TMEM181: variants seen among roughly 807,000 people sequenced by gnomAD.
TMEM181 encodes the protein G protein-coupled receptor 178.
A neutral mutation model predicts 71.9 loss-of-function variants in TMEM181; 39 were observed. That is an observed-to-expected ratio of 0.54 (90% confidence interval 0.42 to 0.71). The LOEUF is 0.71. TMEM181 is among the 30% of genes least tolerant of loss of function. The probability of loss-of-function intolerance (pLI) is 0.00; values close to 1 mark genes in which losing one functional copy is unlikely to be tolerated. For synonymous variants in TMEM181, 245 were observed against 228.8 expected (o/e 1.07, Z -0.64); for missense variants, 595 against 583.0 (o/e 1.02, Z -0.21).
intron 6 of TMEM181, among the ~76,000 whole-genome samples, chr6:158,604,840 T>C (rs1158771629): frequency 1.3e-5 from 2 of 152,222 alleles, no homozygotes; most frequent in Non-Finnish European, 2.9e-5. Flanking sequence ...GATTTATCCA[T>C]GTAACAACAT....
intron 6 of TMEM181, among the ~76,000 whole-genome samples, chr6:158,599,196 T>C (rs535850601): frequency 8.5e-5 from 13 of 152,340 alleles, no homozygotes; most frequent in African/African-American, 3.1e-4. Flanking sequence ...AAGTCACTTA[T>C]TTCGTGCTGC....
At chr6:158,569,188 GA>G (rs1782670613) in intron 1 of TMEM181, among the ~76,000 whole-genome samples, 1 of 152,216 alleles carries the variant, frequency 6.6e-6, no homozygotes, top group Non-Finnish European at 1.5e-5. Context: ...TCGCAGAGGG[GA>G]AGGCATTGAT....
intron 2 of TMEM181, 81 bp downstream of exon 2, chr6:158,573,604 C>A: frequency 8.3e-7 from 1 of 1,197,612 alleles, no homozygotes; most frequent in Non-Finnish European, 1.2e-6. Flanking sequence ...CCCAGCTGTG[C>A]CCCTATCTTC....
chr6:158,616,987 G>T (rs1299323718), intron 10 of TMEM181, among the ~76,000 whole-genome samples: 5 of 152,172 alleles, frequency 3.3e-5, no homozygotes, highest in African/African-American at 1.2e-4. Flanking sequence ...TCAGGATGAT[G>T]CTGGCCTCAT....
At chr6:158,587,632 CT>C (rs566949570) in intron 5 of TMEM181, among the ~76,000 whole-genome samples, 244 of 141,594 alleles carry the variant, frequency 1.7e-3, no homozygotes, top group South Asian at 2.3e-3. Flanking sequence ...GCCTGGCTTC[CT>C]TTTTTTTTTT....
chr6:158,610,621 C>T (rs1017503828), intron 10 of TMEM181: 26 of 350,536 alleles, frequency 7.4e-5, no homozygotes, highest in Admixed American at 1.1e-4. Flanking sequence ...CTTTTCCTCC[C>T]GAGCTTCTGG....
chr6:158,601,758 GAAAAAAAAA>G (rs796451394), intron 6 of TMEM181, among the ~76,000 whole-genome samples: 3 of 96,052 alleles, frequency 3.1e-5, no homozygotes, highest in Non-Finnish European at 6.8e-5. Flanking sequence ...GACTGTCTCA[GAAAAAAAAA>G]AAAAAAAACA....
intron 6 of TMEM181, among the ~76,000 whole-genome samples, chr6:158,590,229 T>C (rs1039019877): frequency 7.3e-5 from 11 of 151,596 alleles, no homozygotes; most frequent in African/African-American, 2.4e-4. Flanking sequence ...TGATGAGGAG[T>C]GGGGGTTTAG....
intron 14 of TMEM181, 51 bp from the exon 15 acceptor site, chr6:158,629,679 G>A (rs759449905): frequency 2.0e-6 from 3 of 1,466,728 alleles, no homozygotes; most frequent in Non-Finnish European, 2.8e-6. Flanking sequence ...TGTAGGCAGA[G>A]CCTCTGACTG....
In TMEM181 at chr6:158,631,813, T is replaced by A; in HGVS notation, c.1353T>A (p.Ser451Arg). Residue 451 changes from serine (S) to arginine (R), a missense_variant, in exon 17 of 17, where the codon AGT becomes AGA. Physicochemically the swap from Ser to Arg is moderately radical, Grantham distance 110. Transcript: ENST00000684151. ...NDSDDDVIYG[S>R]DYEEMPLQNG... ...TCAAAGGTCTCTTTGCTCACAGGAG[T>A]GACTATGAGGAAATGCCGCTGCAGA... The A allele has an allele frequency of 6.3e-7, 1 of 1,596,600 alleles. No individual in the cohort carries two copies. Among genetic ancestry groups the A allele is most frequent in the Non-Finnish European group, 8.5e-7 (1 of 1,171,130 alleles).
At chr6:158,549,901 G>A (rs1450611264) in intron 1 of TMEM181, among the ~76,000 whole-genome samples, 1 of 148,710 alleles carries the variant, frequency 6.7e-6, no homozygotes, top group East Asian at 2.0e-4. Flanking sequence ...GCATTTATGC[G>A]TAAGTGCATA....
At chr6:158,562,968 C>A (rs1782271132) in intron 1 of TMEM181, among the ~76,000 whole-genome samples, 1 of 152,166 alleles carries the variant, frequency 6.6e-6, no homozygotes, top group Non-Finnish European at 1.5e-5. Context: ...GAGCCCAAAC[C>A]CTGGGCCACC....
At chr6:158,627,383 T>TC (rs1433654939) in intron 13 of TMEM181, among the ~76,000 whole-genome samples, 1 of 152,218 alleles carries the variant, frequency 6.6e-6, no homozygotes, top group Admixed American at 6.5e-5. Flanking sequence ...CTTCTCTCTG[T>TC]CACGGGATTT....
chr6:158,590,713 T>A (rs1582996742), intron 6 of TMEM181, among the ~76,000 whole-genome samples: 1 of 152,172 alleles, frequency 6.6e-6, no homozygotes, highest in East Asian at 1.9e-4. Flanking sequence ...CCGCCCACCT[T>A]GGCCTCCCAA....
At chr6:158,568,871 G>A (rs1200233622) in intron 1 of TMEM181, among the ~76,000 whole-genome samples, 2 of 152,188 alleles carry the variant, frequency 1.3e-5, no homozygotes, top group Non-Finnish European at 2.9e-5. Context: ...GCTTCTCAAT[G>A]TTTTGTTGTT....
At position 158,625,160 on chromosome 6, in the gene TMEM181, C is replaced by A; in HGVS notation, c.1011C>A (p.Phe337Leu). The change falls in exon 12 of 17, where the codon TTC becomes TTA. Residue 337 changes from phenylalanine to leucine, a missense_variant. Transcript: ENST00000684151. ...VAAVYILYLL[F>L]LIVRACSELR... ...CGGTGTACATTCTGTACCTCTTGTT[C>A]TTGATAGTGCGGGCGTGTTCCGAGC... 1 of 1,614,184 alleles carries A rather than the reference C, an allele frequency of 6.2e-7. No individual in the cohort carries two copies. Among genetic ancestry groups the A allele is most frequent in the South Asian group, 1.1e-5 (1 of 91,080 alleles).
chr6:158,601,876 C>G (rs1430434289), intron 6 of TMEM181, among the ~76,000 whole-genome samples: 1 of 152,106 alleles, frequency 6.6e-6, no homozygotes, highest in African/African-American at 2.4e-5. Flanking sequence ...ATTTGCCCAA[C>G]TATTAATGGC....
chr6:158,631,347 C>G lies in TMEM181; in HGVS notation c.1307C>G (p.Ala436Gly), dbSNP rs1786653424. The G allele has an allele frequency of 6.2e-7, 1 of 1,614,076 alleles. No homozygotes were observed. Among genetic ancestry groups the G allele is most frequent in the Non-Finnish European group, 8.5e-7 (1 of 1,180,040 alleles). ...GAGTCCCAGCTGAAAGACAATCCTG[C>G]CTTCTCCATGCTGAATGACTCGGAT... The part of the protein sequence containing the change: ...LYESQLKDNP[A>G]FSMLNDSDDD... The change falls in exon 16 of 17, where the codon GCC becomes GGC. Residue 436 changes from alanine (A) to glycine (G), a missense_variant. Physicochemically the swap from Ala to Gly is moderately conservative, Grantham distance 60. Transcript: ENST00000684151.
At position 158,635,109 on chromosome 6, in the gene TMEM181, T is replaced by G. The variant is rs183935134; in HGVS notation, c.*3221T>G. 29 of 152,236 alleles carry G rather than the reference T, an allele frequency of 1.9e-4. No homozygotes were observed. The East Asian group carries it at 5.4e-3, about 28-fold the overall frequency. 9.4% of individuals were successfully genotyped at this position (152,236 alleles called of 1,614,324 possible). A position where few individuals can be genotyped will look rare whatever the true frequency, so the allele number is the denominator to read the frequency against. On this transcript the variant is annotated 3_prime_UTR_variant, in exon 17 of 17. Coordinates refer to ENST00000684151, the MANE Select transcript of TMEM181 (RefSeq NM_001376852.1). Reference sequence around the variant, plus strand: ...CTGTGACATCTTGTGATGCTGTTTATCTTGGTTTGACATTGGAGATACGCT... The same window carrying G: ...CTGTGACATCTTGTGATGCTGTTTAGCTTGGTTTGACATTGGAGATACGCT...
Sources: gnomAD v4.1 joint callset for allele counts (sites outside exome capture counted in the v4.1 genomes callset) on GRCh38, gnomAD v4.1.1 for gene constraint, MANE v1.5 for transcripts, NCBI Gene and HGNC (gene_info 2026-07-23, HGNC 2026-07-21) for gene names.